Variants in PLBD1 observed in about 807,000 individuals in gnomAD.
PLBD1 encodes the protein lysosomal leucine aminopeptidase.
A neutral mutation model predicts 63.0 loss-of-function variants in PLBD1; 60 were observed. The observed-to-expected ratio is 0.95, with a 90% CI of 0.77 to 1.18. The LOEUF (loss-of-function observed/expected upper bound fraction) is 1.18. PLBD1 is among the 50% of genes most tolerant of loss of function. The pLI is 0.00. For missense variants in PLBD1, 598 were observed against 677.9 expected, an observed-to-expected ratio of 0.88 and a Z score of 1.31; for synonymous variants, 262 against 248.0, an observed-to-expected ratio of 1.06 and a Z score of -0.53.
At position 14,540,753 on chromosome 12, in the gene PLBD1, T is replaced by A. The variant is rs770517061; in HGVS notation, c.558+11A>T. ...CTCTATAAATTCTGAGAAGCTTGTT[T>A]AAAGTCCTACCTTTGTCCCTTCTAA... On this transcript the variant is annotated intron_variant, in intron 4 of 10. Transcript: ENST00000240617. 6.4e-7 allele frequency: 1 copy of A among 1,552,978 alleles called. No homozygotes were observed.
intron 2 of PLBD1, among the ~76,000 whole-genome samples, chr12:14,550,407 G>C (rs953364956): frequency 2.6e-5 from 4 of 152,146 alleles, no homozygotes; most frequent in Admixed American, 1.3e-4. Context: ...TTGTTTGTTT[G>C]TTTGTTTGTT....
chr12:14,508,776 A>C (rs1010427820), intron 8 of PLBD1, among the ~76,000 whole-genome samples: 7 of 151,422 alleles, frequency 4.6e-5, no homozygotes, highest in Non-Finnish European at 1.0e-4. Flanking sequence ...TCTCAAAATA[A>C]ATAAAGAAAA....
At chr12:14,541,059 C>A (rs1451261576) in intron 3 of PLBD1, among the ~76,000 whole-genome samples, 157 bp from the exon 4 acceptor site, 3 of 152,176 alleles carry the variant, frequency 2.0e-5, no homozygotes, top group African/African-American at 7.2e-5. Context: ...GACTTCAGGG[C>A]AAATTCTAAC....
At chr12:14,543,936 T>G (rs548263253) in intron 2 of PLBD1, among the ~76,000 whole-genome samples, 1 of 152,140 alleles carries the variant, frequency 6.6e-6, no homozygotes, top group Admixed American at 6.5e-5. Flanking sequence ...CCCCTACTCT[T>G]GGATAATTTA....
At chr12:14,506,365 A>G (rs1325474355) in intron 9 of PLBD1, 97 bp from the exon 10 acceptor site, 14 of 861,830 alleles carry the variant, frequency 1.6e-5, no homozygotes, top group Non-Finnish European at 2.4e-5. Flanking sequence ...CTAGATAATC[A>G]GAGAGTGTAC....
chr12:14,567,641 AG>A lies in PLBD1; in HGVS notation c.55del (p.Leu19CysfsTer11). Reference protein sequence around the residue: ...RPGLPQPPPLLLLLLLLPLLL... With the variant: ...RPGLPQPPPLXLLLLLLPLLL... ...CAGCGGCAGCAGCAGCAGCAGCAGC[AG>A]AAGCGGTGGCGGCTGTGGCAGCCCC... is the stretch of plus-strand genomic sequence containing the variant. On this transcript the variant is annotated frameshift_variant, in exon 1 of 11. Coordinates refer to ENST00000240617, the MANE Select transcript of PLBD1 (RefSeq NM_024829.6). LOFTEE classifies it high-confidence loss of function. 6.7e-7 allele frequency: 1 copy of A among 1,498,546 alleles called. No individual in the cohort carries two copies. 92.8% of individuals were successfully genotyped at this position (1,498,546 alleles called of 1,614,324 possible).
Position 14,511,368 on chromosome 12 carries a change from G to A in PLBD1, c.1078C>T (p.Leu360=). Residue 360 remains leucine, a synonymous_variant, in exon 8 of 11, where the codon CTG becomes TTG. Transcript: ENST00000240617. ...TYNNQYMVLD[L]KKVKLNHSLD... is the part of the protein sequence containing the mutation. Reference sequence around the variant, plus strand: ...CTGTGGTTCAGCTTTACTTTCTTCAGGTCCAGAACCATGTATTGATTGTTA... The same window carrying A: ...CTGTGGTTCAGCTTTACTTTCTTCAAGTCCAGAACCATGTATTGATTGTTA... 1.9e-6 allele frequency: 3 copies of A among 1,613,668 alleles called. No homozygotes were observed. The highest frequency in any genetic ancestry group is 1.6e-4 in the Middle Eastern group (1 of 6,062).
At chr12:14,561,142 C>T (rs1592011518) in intron 1 of PLBD1, among the ~76,000 whole-genome samples, 1 of 150,382 alleles carries the variant, frequency 6.6e-6, no homozygotes, top group African/African-American at 2.5e-5. Flanking sequence ...GTGAGGTGGG[C>T]CTCAGGGTCA....
intron 6 of PLBD1, among the ~76,000 whole-genome samples, chr12:14,522,921 A>G (rs1321778599): frequency 6.6e-6 from 1 of 152,118 alleles, no homozygotes; most frequent in Non-Finnish European, 1.5e-5. Context: ...CTGAATGGGG[A>G]AAAGTTGAAA....
At chr12:14,548,555 C>T (rs1033729050) in intron 2 of PLBD1, among the ~76,000 whole-genome samples, 7 of 151,070 alleles carry the variant, frequency 4.6e-5, no homozygotes, top group Non-Finnish European at 1.0e-4. Flanking sequence ...GACCTAGAAG[C>T]ATATTCAGTT....
rs1323003447 is a variant in PLBD1, at chr12:14,503,695, T to C, written c.*77A>G. 2 of 1,357,344 alleles carry C rather than the reference T, an allele frequency of 1.5e-6. No individual in the cohort carries two copies. The highest frequency in any genetic ancestry group is 2.9e-5 in the African/African-American group (2 of 68,200). The allele number at this position is 1,357,344 out of a possible 1,614,324, so 84.1% of individuals were successfully genotyped here. A position where few individuals can be genotyped will look rare whatever the true frequency, so the allele number is the denominator to read the frequency against. ...CAAATTAATATATTTTATTGCATAA[T>C]TCTGATGGGAAAAACATAGCTAAAA... On this transcript the variant is annotated 3_prime_UTR_variant, in exon 11 of 11. Transcript: ENST00000240617.
At chr12:14,514,444 C>T (rs934623646) in intron 6 of PLBD1, among the ~76,000 whole-genome samples, 5 of 152,132 alleles carry the variant, frequency 3.3e-5, no homozygotes, top group Admixed American at 6.5e-5. Flanking sequence ...AGAGGGCAGG[C>T]GTTCTTTAAT....
chr12:14,553,157 G>A, intron 2 of PLBD1, 36 bp downstream of exon 2: 1 of 1,542,324 alleles, frequency 6.5e-7, no homozygotes, highest in African/African-American at 1.4e-5. Flanking sequence ...GACAGGGGTT[G>A]CCTGGCAGTG....
At chr12:14,516,804 A>G (rs12310191) in intron 6 of PLBD1, among the ~76,000 whole-genome samples, 3,568 of 152,154 alleles carry the variant, frequency 0.023, 129 homozygotes, top group African/African-American at 0.081. Flanking sequence ...TTTGGCAGGC[A>G]GAGGAGGGCG....
At chr12:14,517,047 A>G (rs1456261647) in intron 6 of PLBD1, among the ~76,000 whole-genome samples, 1 of 152,154 alleles carries the variant, frequency 6.6e-6, no homozygotes, top group Non-Finnish European at 1.5e-5. Flanking sequence ...TCAAACAAAA[A>G]AAAAGTCCTT....
intron 2 of PLBD1, among the ~76,000 whole-genome samples, chr12:14,542,522 G>A (rs1048513949): frequency 4.0e-5 from 6 of 151,844 alleles, no homozygotes; most frequent in African/African-American, 1.4e-4. Context: ...ACTTTATTAA[G>A]TTATTATATT....
chr12:14,560,317 C>G (rs937558122), intron 1 of PLBD1, among the ~76,000 whole-genome samples: 2 of 152,060 alleles, frequency 1.3e-5, no homozygotes, highest in Non-Finnish European at 2.9e-5. Flanking sequence ...TATGAAAGAG[C>G]AGGTAGTTTT....
intron 6 of PLBD1, among the ~76,000 whole-genome samples, chr12:14,523,984 G>C (rs1945397298): frequency 6.6e-6 from 1 of 152,028 alleles, no homozygotes; most frequent in Admixed American, 6.6e-5. Context: ...CCATAAAAAG[G>C]ATCAAATTAT....
At chr12:14,548,369 A>T (rs910582204) in intron 2 of PLBD1, among the ~76,000 whole-genome samples, 3 of 150,900 alleles carry the variant, frequency 2.0e-5, no homozygotes, top group African/African-American at 7.3e-5. Context: ...AGCCTAGAGA[A>T]TCGCTTGAAC....
Sources: gnomAD v4.1 joint callset for allele counts (sites outside exome capture counted in the v4.1 genomes callset) on GRCh38, gnomAD v4.1.1 for gene constraint, MANE v1.5 for transcripts, NCBI Gene and HGNC (gene_info 2026-07-23, HGNC 2026-07-21) for gene names.